The following ATP6V1C2 variants were observed in gnomAD, a reference collection of about 807,000 sequenced individuals.
The protein encoded by ATP6V1C2 is ATPase H+ transporting V1 subunit C2, also known as V-type proton ATPase subunit C 2.
Under a neutral mutation model 56.8 loss-of-function variants are expected in ATP6V1C2, and 45 were observed. The observed-to-expected ratio is 0.79, with a 90% confidence interval of 0.62 to 1.02. The LOEUF (loss-of-function observed/expected upper bound fraction) is 1.02. ATP6V1C2 is among the 50% of genes least tolerant of loss of function. ATP6V1C2 has a pLI of 0.00. For missense variants in ATP6V1C2, 463 were observed against 519.7 expected (o/e 0.89, Z 1.06); for synonymous variants, 220 against 201.3 (o/e 1.09, Z -0.79).
chr2:10,722,976 A>C lies in ATP6V1C2; in HGVS notation c.127A>C (p.Lys43Gln). 6.2e-7 allele frequency: 1 copy of C among 1,613,898 alleles called. No individual in the cohort carries two copies. The highest frequency in any genetic ancestry group is 1.3e-5 in the African/African-American group (1 of 75,028). Residue 43 changes from lysine (K) to glutamine (Q), a missense_variant and splice_region_variant, in exon 2 of 14, where the codon AAG becomes CAG. Physicochemically the swap from Lys to Gln is moderately conservative, Grantham distance 53. Coordinates refer to ENST00000272238, the MANE Select transcript of ATP6V1C2 (RefSeq NM_001039362.2). ...YNTKFAIPDF[K>Q]VGTLDSLVGL... is the part of the protein sequence containing the mutation. ...TACCAAATTCGCTATTCCTGACTTCAAGGTAAAATTCTTGGGGAGGAGTGA... is the reference window on the plus strand; with the variant it reads ...TACCAAATTCGCTATTCCTGACTTCCAGGTAAAATTCTTGGGGAGGAGTGA...
intron 12 of ATP6V1C2, among the ~76,000 whole-genome samples, chr2:10,779,378 G>C (rs1665201518): frequency 6.7e-6 from 1 of 148,306 alleles, no homozygotes; most frequent in Non-Finnish European, 1.5e-5. Context: ...CCAAATGTTG[G>C]GATTACAGGC....
chr2:10,774,628 C>T (rs1251009833), intron 8 of ATP6V1C2, among the ~76,000 whole-genome samples, 160 bp from the exon 9 acceptor site: 1 of 152,204 alleles, frequency 6.6e-6, no homozygotes, highest in Non-Finnish European at 1.5e-5. Flanking sequence ...GAAGGGCAGG[C>T]AGCCAGGAGT....
chr2:10,782,360 T>G lies in ATP6V1C2; in HGVS notation c.1179T>G (p.Ala393=). 6.2e-7 allele frequency: 1 copy of G among 1,614,192 alleles called. No individual in the cohort carries two copies. Among genetic ancestry groups the G allele is most frequent in the African/African-American group, 1.3e-5 (1 of 75,060 alleles). Residue 393 remains alanine, a synonymous_variant, in exon 13 of 14, where the codon GCT becomes GCG. Coordinates refer to ENST00000272238, the MANE Select transcript of ATP6V1C2 (RefSeq NM_001039362.2). ...TCCGACATCTGGATGAAGTAGCCGCTACAAGTATACTGGATGTAGGTATCC... is the reference window on the plus strand; with the variant it reads ...TCCGACATCTGGATGAAGTAGCCGCGACAAGTATACTGGATGTAGGTATCC... ...SVFRHLDEVA[A]TSILDASVEI... is the part of the protein sequence containing the mutation.
In ATP6V1C2 at chr2:10,758,419, C is replaced by T. The variant is rs6711661; in HGVS notation, c.283+4353C>T. On this transcript the variant is annotated intron_variant, in intron 4 of 13. Transcript: ENST00000272238. ...TATGACCTCTGTGCCTCCCGTGAGT[C>T]GGGTCTCAACTTCCCAAGACTAGAG... Among the ~76,000 whole-genome samples the T allele has an allele frequency of 2.1e-3, 326 of 152,160 alleles. 1 individual carries two copies. The highest frequency in any genetic ancestry group is 7.5e-3 in the African/African-American group (312 of 41,524).
intron 8 of ATP6V1C2, among the ~76,000 whole-genome samples, chr2:10,774,514 C>T (rs1170237492): frequency 1.3e-5 from 2 of 152,226 alleles, no homozygotes; most frequent in Admixed American, 6.5e-5. Flanking sequence ...GGCTTGGTCT[C>T]TCAGGAATTT....
intron 3 of ATP6V1C2, among the ~76,000 whole-genome samples, chr2:10,738,525 G>A (rs1258672967): frequency 2.6e-5 from 4 of 152,090 alleles, no homozygotes; most frequent in Non-Finnish European, 4.4e-5. Context: ...ACCCTGCCCC[G>A]GTCCTTCAGG....
intron 5 of ATP6V1C2, among the ~76,000 whole-genome samples, chr2:10,767,159 C>CTTTTTTTTTTT (rs33943682): frequency 5.2e-4 from 57 of 109,302 alleles, no homozygotes; most frequent in Admixed American, 6.2e-4. Flanking sequence ...CATTTTTTAT[C>CTTTTTTTTTTT]TTTTTTTTTT....
chr2:10,731,531 A>G (rs1661952192), intron 3 of ATP6V1C2, among the ~76,000 whole-genome samples: 1 of 152,194 alleles, frequency 6.6e-6, no homozygotes, highest in African/African-American at 2.4e-5. Flanking sequence ...ACATCACATA[A>G]TCAAATAATG....
At chr2:10,759,513 T>C (rs748222884) in intron 4 of ATP6V1C2, among the ~76,000 whole-genome samples, 1 of 152,082 alleles carries the variant, frequency 6.6e-6, no homozygotes, top group Non-Finnish European at 1.5e-5. Context: ...GTGCACAGCA[T>C]ATTTTGATGA....
At chr2:10,777,252 C>T (rs954326332) in intron 10 of ATP6V1C2, among the ~76,000 whole-genome samples, 7 of 152,242 alleles carry the variant, frequency 4.6e-5, no homozygotes, top group African/African-American at 9.6e-5. Context: ...TTTCCACTAA[C>T]GCCTCCCGGT....
At chr2:10,748,433 A>T (rs939395029) in intron 3 of ATP6V1C2, among the ~76,000 whole-genome samples, 3 of 149,470 alleles carry the variant, frequency 2.0e-5, no homozygotes, top group South Asian at 2.1e-4. Context: ...ATCTGCTTAA[A>T]TTTTTTTTTT....
chr2:10,754,557 CTTTTCTTTTCTTTT>C (rs1474280418), intron 4 of ATP6V1C2, among the ~76,000 whole-genome samples: 1 of 704 alleles, frequency 1.4e-3, no homozygotes, highest in African/African-American at 2.5e-3. Flanking sequence ...CTTTTCTTTT[CTTTTCTTTTCTTTT>C]CTTTTCTTTT....
At chr2:10,772,710 C>T in intron 8 of ATP6V1C2, 100 bp downstream of exon 8, 1 of 1,058,012 alleles carries the variant, frequency 9.5e-7, no homozygotes, top group Admixed American at 1.7e-5. Context: ...GTGAGGCTCC[C>T]CAGCTTTCCA....
chr2:10,733,768 G>A (rs1031393267), intron 3 of ATP6V1C2, among the ~76,000 whole-genome samples: 3 of 113,544 alleles, frequency 2.6e-5, no homozygotes, highest in African/African-American at 1.2e-4. Flanking sequence ...ACCTCAGCAG[G>A]ACCTTCTGGG....
At position 10,726,555 on chromosome 2, in the gene ATP6V1C2, C is replaced by G. The variant is rs1207889340; in HGVS notation, c.183C>G (p.Asp61Glu). The change falls in exon 3 of 14, where the codon GAC (aspartate) becomes GAG (glutamate). Residue 61 changes from aspartate (D) to glutamate (E), a missense_variant. By Grantham distance (45) the Asp-to-Glu change is conservative. Coordinates refer to ENST00000272238, the MANE Select transcript of ATP6V1C2 (RefSeq NM_001039362.2). ...TCTCTGATGAGTTGGGGAAACTCGA[C>G]ACCTTTGCTGAAAGGTAAAATATTC... ...VGLSDELGKL[D>E]TFAESLIRRM... is the part of the protein sequence containing the mutation. 20 of 1,613,570 alleles carry G rather than the reference C, an allele frequency of 1.2e-5. No homozygotes were observed. Among genetic ancestry groups the G allele is most frequent in the Non-Finnish European group, 1.6e-5 (19 of 1,179,620 alleles).
At chr2:10,722,492 C>T (rs1661422300) in intron 1 of ATP6V1C2, among the ~76,000 whole-genome samples, 1 of 152,098 alleles carries the variant, frequency 6.6e-6, no homozygotes, top group Non-Finnish European at 1.5e-5. Context: ...AAATATTCCC[C>T]CAGAAGGTGT....
At chr2:10,776,234 C>T (rs1194749530) in intron 10 of ATP6V1C2, among the ~76,000 whole-genome samples, 6 of 151,996 alleles carry the variant, frequency 3.9e-5, no homozygotes, top group Non-Finnish European at 7.4e-5. Context: ...TTTTCACCCT[C>T]CTCCTCCGAA....
intron 3 of ATP6V1C2, chr2:10,744,166 G>A (rs1263902337): frequency 6.6e-6 from 1 of 152,078 alleles, no homozygotes; most frequent in African/African-American, 2.4e-5. Flanking sequence ...GGGTGACAGA[G>A]TGCGACCCTG....
At chr2:10,772,016 G>A in intron 7 of ATP6V1C2, 79 bp downstream of exon 7, 1 of 1,282,478 alleles carries the variant, frequency 7.8e-7, no homozygotes. Flanking sequence ...CTTGGGCAGT[G>A]TGGACGAGGA....
Sources: allele counts gnomAD v4.1 joint callset (sites outside exome capture counted in the v4.1 genomes callset), GRCh38; gene constraint gnomAD v4.1.1; transcripts MANE v1.5; gene names NCBI Gene and HGNC (gene_info 2026-07-23, HGNC 2026-07-21).